The following VPS13B variants were observed in gnomAD, a reference collection of about 807,000 sequenced individuals.
VPS13B encodes vacuolar protein sorting 13 homolog B.
VPS13B carries 285 observed loss-of-function variants against 426.4 expected under a neutral mutation model. The ratio of observed to expected loss-of-function variants is 0.67; its 90% confidence interval spans 0.61 to 0.74. The LOEUF (loss-of-function observed/expected upper bound fraction) is 0.74, where lower values mean the gene tolerates loss of function less well. VPS13B is among the 30% of genes least tolerant of loss of function. The pLI is 0.00. For synonymous variants in VPS13B, 1,676 were observed against 1,676.4 expected (o/e 1.00, Z 0.01); for missense variants, 4,537 against 4,782.6 (o/e 0.95, Z 1.51).
Position 99,384,320 on chromosome 8 carries a change from A to G in VPS13B, c.2934+3A>G. The stretch of plus-strand genomic sequence containing the variant: ...GAACAAGTAGACATATGCAACAGGT[A>G]AGAGATTTTTAAATAATTTTTTCTG... On this transcript the variant is annotated splice_donor_region_variant and intron_variant, in intron 20 of 61. Coordinates refer to ENST00000357162, the MANE Select transcript of VPS13B (RefSeq NM_152564.5). 2.5e-6 allele frequency: 4 copies of G among 1,608,504 alleles called. No homozygotes were observed. Among genetic ancestry groups the G allele is most frequent in the Non-Finnish European group, 3.4e-6 (4 of 1,175,464 alleles).
At chr8:99,765,264 T>C (rs1410523203) in intron 39 of VPS13B, among the ~76,000 whole-genome samples, 1 of 152,188 alleles carries the variant, frequency 6.6e-6, no homozygotes, top group African/African-American at 2.4e-5. Context: ...AGTTGTTTTT[T>C]TCTCATGCTT....
At chr8:99,566,814 A>G (rs1825214309) in intron 31 of VPS13B, among the ~76,000 whole-genome samples, 1 of 152,158 alleles carries the variant, frequency 6.6e-6, no homozygotes, top group African/African-American at 2.4e-5. Flanking sequence ...TTTTAAAAGC[A>G]TTTGTACAAC....
At chr8:99,665,230 A>C (rs941315015) in intron 35 of VPS13B, among the ~76,000 whole-genome samples, 1 of 152,130 alleles carries the variant, frequency 6.6e-6, no homozygotes, top group Non-Finnish European at 1.5e-5. Flanking sequence ...CCTTTGTCAG[A>C]TGAGTAGGTT....
chr8:99,628,931 TTTTTTTTA>T (rs1828727392), intron 33 of VPS13B, among the ~76,000 whole-genome samples: 1 of 152,072 alleles, frequency 6.6e-6, no homozygotes, highest in African/African-American at 2.4e-5. Flanking sequence ...TGCCAGCTAA[TTTTTTTTA>T]TTTTTTGTAG....
intron 35 of VPS13B, among the ~76,000 whole-genome samples, chr8:99,690,418 A>G (rs1831604713): frequency 6.6e-6 from 1 of 152,220 alleles, no homozygotes; most frequent in African/African-American, 2.4e-5. Context: ...GTATGACACC[A>G]AAAGCACAAG....
intron 33 of VPS13B, among the ~76,000 whole-genome samples, chr8:99,593,887 A>G (rs1177412557): frequency 6.6e-6 from 1 of 152,010 alleles, no homozygotes; most frequent in African/African-American, 2.4e-5. Context: ...TTGGGGAACA[A>G]CACACACTGA....
intron 15 of VPS13B, among the ~76,000 whole-genome samples, chr8:99,162,169 A>G (rs545372839): frequency 2.0e-5 from 3 of 152,186 alleles, no homozygotes; most frequent in East Asian, 1.9e-4. Context: ...TTATACGGCT[A>G]TTGTGATGTG....
At chr8:99,179,166 C>G (rs1812806648) in intron 16 of VPS13B, among the ~76,000 whole-genome samples, 1 of 151,836 alleles carries the variant, frequency 6.6e-6, no homozygotes, top group Non-Finnish European at 1.5e-5. Context: ...GTGTTGTAGG[C>G]CTTGGAGTGT....
At chr8:99,029,240 C>T (rs1842367247) in intron 2 of VPS13B, among the ~76,000 whole-genome samples, 1 of 149,454 alleles carries the variant, frequency 6.7e-6, no homozygotes, top group African/African-American at 2.5e-5. Flanking sequence ...AAGAGGCGCT[C>T]CTCGCTTCCT....
intron 57 of VPS13B, among the ~76,000 whole-genome samples, chr8:99,860,104 C>T (rs1454741076): frequency 6.6e-6 from 1 of 152,130 alleles, no homozygotes; most frequent in Non-Finnish European, 1.5e-5. Context: ...CATCTGAGTC[C>T]CCTTTTCTTC....
intron 17 of VPS13B, among the ~76,000 whole-genome samples, chr8:99,265,398 C>T (rs1056900847): frequency 6.6e-6 from 1 of 152,144 alleles, no homozygotes; most frequent in African/African-American, 2.4e-5. Context: ...AGAGAGAAAG[C>T]CGTCCATTTC....
chr8:99,538,347 G>A (rs1332991654), intron 30 of VPS13B, among the ~76,000 whole-genome samples: 1 of 152,098 alleles, frequency 6.6e-6, no homozygotes, highest in Non-Finnish European at 1.5e-5. Flanking sequence ...ATATGTAAAA[G>A]TAGGTTCTTT....
At chr8:99,238,057 A>G (rs996328889) in intron 17 of VPS13B, among the ~76,000 whole-genome samples, 1 of 151,750 alleles carries the variant, frequency 6.6e-6, no homozygotes, top group African/African-American at 2.4e-5. Flanking sequence ...GTGCTTTTCC[A>G]TTGCCTGGAG....
chr8:99,173,171 G>A (rs1237737917), intron 16 of VPS13B, among the ~76,000 whole-genome samples: 1 of 152,114 alleles, frequency 6.6e-6, no homozygotes, highest in African/African-American at 2.4e-5. Context: ...CAGATCATTT[G>A]CAGGGGAAAA....
intron 33 of VPS13B, among the ~76,000 whole-genome samples, chr8:99,593,712 G>C (rs1826820052): frequency 1.3e-5 from 2 of 152,052 alleles, no homozygotes; most frequent in East Asian, 1.9e-4. Context: ...ATACACCATG[G>C]AATAGTGTGC....
chr8:99,556,048 G>A (rs186863602), intron 30 of VPS13B, among the ~76,000 whole-genome samples: 350 of 152,162 alleles, frequency 2.3e-3, no homozygotes, highest in Admixed American at 2.5e-3. Flanking sequence ...CTGTATTTGT[G>A]TTGTAGTTTT....
chr8:99,743,007 A>T (rs1327053393), intron 39 of VPS13B, among the ~76,000 whole-genome samples: 2 of 152,196 alleles, frequency 1.3e-5, no homozygotes, highest in African/African-American at 2.4e-5. Flanking sequence ...AATAAAGGGT[A>T]TTCAATTAGG....
chr8:99,091,700 G>A (rs1295584346), intron 3 of VPS13B: 2 of 152,134 alleles, frequency 1.3e-5, no homozygotes, highest in Non-Finnish European at 2.9e-5. Flanking sequence ...TTAGCTTTCT[G>A]TCTTTGAAGT....
rs1815326772 is a variant in VPS13B, at chr8:99,835,279, C to G, written c.9697C>G (p.His3233Asp). 1 of 1,613,412 alleles carries G rather than the reference C, an allele frequency of 6.2e-7. No individual in the cohort carries two copies. The highest frequency in any genetic ancestry group is 1.1e-5 in the South Asian group (1 of 91,066). ...SEDPSPRVII[H>D]NRCPVKMLIK... ...AGACCCTAGTCCTCGAGTAATTATC[C>G]ACAATAGATGTCCAGTAAAAATGCT... Residue 3233 changes from histidine to aspartate, a missense_variant, in exon 53 of 62, where the codon CAC (histidine) becomes GAC (aspartate). This residue lies in a region of VPS13B where 4,311 missense variants were observed against 4,474.3 expected (regional missense o/e 0.96). Transcript: ENST00000357162.
Sources: gnomAD v4.1 joint callset for allele counts (sites outside exome capture counted in the v4.1 genomes callset) on GRCh38, gnomAD v4.1.1 for gene constraint, gnomAD v4.1.1 regional missense constraint, MANE v1.5 for transcripts, NCBI Gene and HGNC (gene_info 2026-07-23, HGNC 2026-07-21) for gene names.